The following KIF1C variants were observed in gnomAD, a reference collection of about 807,000 sequenced individuals.
KIF1C encodes the protein kinesin family member 1C.
Under a neutral mutation model 126.5 loss-of-function variants are expected in KIF1C, and 61 were observed. That is an observed-to-expected ratio of 0.48 (90% CI 0.39 to 0.60). The LOEUF (loss-of-function observed/expected upper bound fraction) is 0.60. KIF1C is among the 20% of genes least tolerant of loss of function. The probability of loss-of-function intolerance (pLI) is 0.00; values close to 1 mark genes in which losing one functional copy is unlikely to be tolerated. For synonymous variants in KIF1C, 640 were observed against 580.6 expected, an observed-to-expected ratio of 1.10 and a Z score of -1.47; for missense variants, 1,315 against 1,489.2, an observed-to-expected ratio of 0.88 and a Z score of 1.93.
At chr17:5,009,577 A>G (rs1264617176) in intron 16 of KIF1C, among the ~76,000 whole-genome samples, 1 of 151,662 alleles carries the variant, frequency 6.6e-6, no homozygotes, top group Non-Finnish European at 1.5e-5. Context: ...TCACGAGGTC[A>G]GGAGATTGAG....
Position 5,027,691 on chromosome 17 carries a change from A to C in KIF1C, c.*3540A>C, listed in dbSNP as rs992416414. 2 of 152,172 alleles carry C rather than the reference A, an allele frequency of 1.3e-5. No individual in the cohort carries two copies. The highest frequency in any genetic ancestry group is 2.4e-5 in the African/African-American group (1 of 41,414). The allele number at this position is 152,172 out of a possible 1,614,324, so 9.4% of individuals were successfully genotyped here. ...CCCATCTCACCCCTCTAGGCCATCA[A>C]GTATTGGCTGGGTGCGGTGGTTTAT... On this transcript the variant is annotated 3_prime_UTR_variant, in exon 23 of 23. Transcript: ENST00000320785.
In KIF1C at chr17:5,001,362, G is replaced by GGGGCGACAGGAGCCA; in HGVS notation, c.329_343dup (p.Arg110_Gly114dup). The GGGGCGACAGGAGCCA allele has an allele frequency of 6.2e-7, 1 of 1,614,108 alleles. No individual in the cohort carries two copies. The highest frequency in any genetic ancestry group is 8.5e-7 in the Non-Finnish European group (1 of 1,179,968). On this transcript the variant is annotated inframe_insertion, in exon 5 of 23. Coordinates refer to ENST00000320785, the MANE Select transcript of KIF1C (RefSeq NM_006612.6). ...GGGCTGGGAAATCCTATACCATGAT[G>GGGGCGACAGGAGCCA]GGGCGACAGGAGCCAGGGCAGCAGG...
chr17:5,001,429 A>G (rs1312918846), intron 5 of KIF1C, 28 bp downstream of exon 5: 1 of 1,607,896 alleles, frequency 6.2e-7, no homozygotes, highest in East Asian at 2.2e-5. Flanking sequence ...TGGGGCAGCC[A>G]GGGCAGGAGC....
chr17:5,003,357 G>C (rs1447678135), intron 8 of KIF1C, among the ~76,000 whole-genome samples: 1 of 152,164 alleles, frequency 6.6e-6, no homozygotes. Flanking sequence ...GTTCTTACGA[G>C]ACCCAGGACA....
intron 18 of KIF1C, among the ~76,000 whole-genome samples, chr17:5,017,078 C>A (rs985467624): frequency 1.2e-4 from 18 of 152,050 alleles, no homozygotes; most frequent in Non-Finnish European, 2.2e-4. Flanking sequence ...AGTTCCTGTT[C>A]TGCGGCAACC....
chr17:5,010,995 A>C (rs1597853388), intron 16 of KIF1C, among the ~76,000 whole-genome samples: 1 of 151,708 alleles, frequency 6.6e-6, no homozygotes, highest in South Asian at 2.1e-4. Context: ...AACCATACCA[A>C]TTTATACTCC....
intron 1 of KIF1C, chr17:4,998,982 C>T (rs185474558): frequency 6.6e-6 from 1 of 151,954 alleles, no homozygotes; most frequent in African/African-American, 2.4e-5. Context: ...TGGCACCAGC[C>T]AGCCGGCTTC....
chr17:5,009,754 C>G (rs1443775347), intron 16 of KIF1C, among the ~76,000 whole-genome samples: 1 of 148,254 alleles, frequency 6.7e-6, no homozygotes, highest in African/African-American at 2.5e-5. Flanking sequence ...CACCACTGCA[C>G]TCCAGCCTGG....
intron 13 of KIF1C, among the ~76,000 whole-genome samples, chr17:5,005,273 A>G (rs1028580837): frequency 1.3e-5 from 2 of 152,228 alleles, no homozygotes; most frequent in African/African-American, 4.8e-5. Context: ...AAAAAATGGC[A>G]ATATATGCTT....
At chr17:5,001,936 C>T (rs116435540) in intron 5 of KIF1C, 123 bp from the exon 6 acceptor site, 6 of 830,584 alleles carry the variant, frequency 7.2e-6, no homozygotes, top group East Asian at 2.5e-5. Context: ...GGGAATAACC[C>T]CTCCCTCAAG....
rs1310634391 is a variant in KIF1C at position 5,023,907 on chromosome 17, C to T, written c.3068C>T (p.Pro1023Leu). 1 of 1,557,404 alleles carries T rather than the reference C, an allele frequency of 6.4e-7. No individual in the cohort carries two copies. The highest frequency in any genetic ancestry group is 8.7e-7 in the Non-Finnish European group (1 of 1,151,212). The part of the protein sequence containing the change: ...PATPARRPPS[P>L]RRSHHPRRNS... ...ACCCCTGCCCGCCGGCCTCCGAGTC[C>T]CCGAAGGTCCCACCATCCCCGCAGG... The change falls in exon 23 of 23, where the codon CCC (proline) becomes CTC (leucine). Residue 1023 changes from proline to leucine, a missense_variant. Physicochemically the swap from Pro to Leu is moderately conservative, Grantham distance 98. Around this residue, in one of 2 missense-constraint regions of KIF1C, gnomAD observed 441 missense variants for 436.1 expected, o/e 1.01. Coordinates refer to ENST00000320785, the MANE Select transcript of KIF1C (RefSeq NM_006612.6). The surrounding 1 kb of genome is among the most constrained non-coding windows in gnomAD (Gnocchi z 4.2).
rs1196017111 is a variant in KIF1C, at chr17:5,023,702, T to G, written c.2863T>G (p.Ser955Ala). 6.3e-7 allele frequency: 1 copy of G among 1,577,702 alleles called. No homozygotes were observed. The highest frequency in any genetic ancestry group is 2.2e-5 in the East Asian group (1 of 44,450). The change falls in exon 23 of 23, where the codon TCT (serine) becomes GCT (alanine). Residue 955 changes from serine to alanine, a missense_variant. By Grantham distance (99) the Ser-to-Ala change is moderately conservative. Around this residue, in one of 2 missense-constraint regions of KIF1C, gnomAD observed 441 missense variants for 436.1 expected, o/e 1.01. Transcript: ENST00000320785. This position sits in a 1 kb window ranked among gnomAD's most constrained non-coding sequence, Gnocchi z 4.2. ...EQLRLQGLQG[S>A]GGRGGGLRRP... ...GCTACGGCTGCAGGGACTGCAGGGCTCTGGGGGCCGGGGCGGGGGGCTGCG... is the reference window on the plus strand; with the variant it reads ...GCTACGGCTGCAGGGACTGCAGGGCGCTGGGGGCCGGGGCGGGGGGCTGCG...
rs1975131910 is a variant in KIF1C, at chr17:5,023,305, C to T, written c.2629-163C>T. Among the ~76,000 whole-genome samples, 1 of 152,144 alleles carries T rather than the reference C, an allele frequency of 6.6e-6. No homozygotes were observed. The highest frequency in any genetic ancestry group is 1.9e-4 in the East Asian group (1 of 5,194). ...AAGTGCTGCGATTACAGGCGTGAGC[C>T]ACTGCGCCCGGCCCTAAACCACTAT... On this transcript the variant is annotated intron_variant, in intron 22 of 22. Transcript: ENST00000320785. This position sits in a 1 kb window ranked among gnomAD's most constrained non-coding sequence, Gnocchi z 4.2.
At chr17:5,013,944 G>A (rs1974920172) in intron 17 of KIF1C, among the ~76,000 whole-genome samples, 1 of 151,968 alleles carries the variant, frequency 6.6e-6, no homozygotes, top group Non-Finnish European at 1.5e-5. Flanking sequence ...GTTTGGTTAG[G>A]GCGAGACAAC....
intron 18 of KIF1C, among the ~76,000 whole-genome samples, chr17:5,016,328 G>T (rs1974972385): frequency 6.6e-6 from 1 of 151,504 alleles, no homozygotes; most frequent in Non-Finnish European, 1.5e-5. Context: ...GTAGAAACAG[G>T]GTTTCTCCAA....
In KIF1C at chr17:5,002,519, G is replaced by T; in HGVS notation, c.485G>T (p.Ser162Ile). The change falls in exon 7 of 23, where the codon AGT (serine) becomes ATT (isoleucine). Residue 162 changes from serine to isoleucine, a missense_variant. By Grantham distance (142) the Ser-to-Ile change is moderately radical. This residue lies in a region of KIF1C where 874 missense variants were observed against 1,053.2 expected (regional missense o/e 0.83). Transcript: ENST00000320785. ...ERVRDLLNPKSRGSLRVREHP... is the reference protein window; with the variant it reads ...ERVRDLLNPKIRGSLRVREHP... ...GTACGAGACCTCTTGAACCCCAAGA[G>T]TCGGGGTTCTCTGCGGGTCCGGGAG... 6.2e-7 allele frequency: 1 copy of T among 1,613,760 alleles called. No individual in the cohort carries two copies. Among genetic ancestry groups the T allele is most frequent in the South Asian group, 1.1e-5 (1 of 91,066 alleles).
chr17:5,010,181 C>T (rs958221174), intron 16 of KIF1C, among the ~76,000 whole-genome samples: 2 of 152,184 alleles, frequency 1.3e-5, no homozygotes, highest in African/African-American at 4.8e-5. Flanking sequence ...TGGCCTTGGC[C>T]TCCTGAAGTG....
Position 5,002,132 on chromosome 17 carries a change from C to T in KIF1C, c.429+8C>T, listed in dbSNP as rs549957230. 1.8e-5 allele frequency: 29 copies of T among 1,613,584 alleles called. No individual in the cohort carries two copies. Among genetic ancestry groups the T allele is most frequent in the Non-Finnish European group, 2.0e-5 (24 of 1,179,666 alleles). On this transcript the variant is annotated splice_region_variant and intron_variant, in intron 6 of 22. Coordinates refer to ENST00000320785, the MANE Select transcript of KIF1C (RefSeq NM_006612.6). ...CTATCCTACTCTGTGGAGGTAAGCCCGGGTCTTGGTGGCAGGGCTGAGAGG... is the reference window on the plus strand; with the variant it reads ...CTATCCTACTCTGTGGAGGTAAGCCTGGGTCTTGGTGGCAGGGCTGAGAGG...
intron 18 of KIF1C, among the ~76,000 whole-genome samples, chr17:5,016,264 A>T (rs970879639): frequency 2.0e-5 from 3 of 151,568 alleles, no homozygotes; most frequent in Non-Finnish European, 2.9e-5. Context: ...CAGCCTCCCG[A>T]GTAGCTGGGA....
Sources: allele counts gnomAD v4.1 joint callset (sites outside exome capture counted in the v4.1 genomes callset), GRCh38; gene constraint gnomAD v4.1.1; regional missense constraint gnomAD v4.1.1; non-coding constraint Gnocchi (gnomAD v3.1); transcripts MANE v1.5; gene names NCBI Gene and HGNC (gene_info 2026-07-23, HGNC 2026-07-21).